BTRC: variants seen among roughly 807,000 people sequenced by gnomAD.
BTRC encodes the protein beta-transducin repeat containing E3 ubiquitin protein ligase.
BTRC carries 42 observed loss-of-function variants against 85.5 expected under a neutral mutation model. The observed-to-expected ratio is 0.49, with a 90% CI of 0.38 to 0.64. The LOEUF (loss-of-function observed/expected upper bound fraction) is 0.64. Among genes scored for constraint, BTRC ranks in the 30% least tolerant of loss-of-function variants. BTRC has a pLI of 0.00. For missense variants in BTRC, 594 were observed against 743.5 expected (o/e 0.80, Z 2.34); for synonymous variants, 255 against 263.3 (o/e 0.97, Z 0.30).
At chr10:101,429,011 A>G (rs189253988) in intron 1 of BTRC, among the ~76,000 whole-genome samples, 3 of 152,262 alleles carry the variant, frequency 2.0e-5, no homozygotes, top group East Asian at 3.9e-4. Flanking sequence ...AGTGAATACC[A>G]TATTTTGTTT....
At chr10:101,474,839 CTTTT>C (rs1945634606) in intron 3 of BTRC, among the ~76,000 whole-genome samples, 1 of 152,142 alleles carries the variant, frequency 6.6e-6, no homozygotes, top group Non-Finnish European at 1.5e-5. Flanking sequence ...CATTTTCCGT[CTTTT>C]TTAAGTCGAT....
intron 4 of BTRC, among the ~76,000 whole-genome samples, chr10:101,509,409 T>G (rs1388786990): frequency 7.0e-6 from 1 of 143,554 alleles, no homozygotes; most frequent in South Asian, 2.3e-4. Context: ...CGCCCGCCAC[T>G]ACGCCCGGCT....
At chr10:101,436,328 G>C (rs1386346598) in intron 2 of BTRC, among the ~76,000 whole-genome samples, 1 of 152,106 alleles carries the variant, frequency 6.6e-6, no homozygotes, top group African/African-American at 2.4e-5. Context: ...AAAGAGAAGA[G>C]AAATGAAATT....
At chr10:101,396,164 TA>T (rs1368177090) in intron 1 of BTRC, among the ~76,000 whole-genome samples, 1 of 151,334 alleles carries the variant, frequency 6.6e-6, no homozygotes, top group African/African-American at 2.4e-5. Context: ...TAGAGTTCTT[TA>T]AAAAAACACA....
At chr10:101,491,329 A>G (rs948536591) in intron 4 of BTRC, among the ~76,000 whole-genome samples, 2 of 152,226 alleles carry the variant, frequency 1.3e-5, no homozygotes, top group African/African-American at 4.8e-5. Flanking sequence ...TAGTGTAAGC[A>G]TGCACTGGCA....
At chr10:101,355,091 AGG>A (rs1941996050) in intron 1 of BTRC, among the ~76,000 whole-genome samples, 1 of 152,212 alleles carries the variant, frequency 6.6e-6, no homozygotes, top group African/African-American at 2.4e-5. Flanking sequence ...AGTATCTAAT[AGG>A]GTAAGCAAAA....
intron 4 of BTRC, among the ~76,000 whole-genome samples, chr10:101,482,313 G>A (rs2134233409): frequency 6.6e-6 from 1 of 151,582 alleles, no homozygotes; most frequent in South Asian, 2.1e-4. Context: ...GAGCCACTGT[G>A]CCTGGCCAAG....
chr10:101,463,618 G>T (rs1480075711), intron 3 of BTRC, among the ~76,000 whole-genome samples: 1 of 152,148 alleles, frequency 6.6e-6, no homozygotes, highest in Non-Finnish European at 1.5e-5. Flanking sequence ...TGAACATGAT[G>T]CTTATTTGAT....
chr10:101,426,199 T>G (rs1029180569), intron 1 of BTRC, among the ~76,000 whole-genome samples: 5 of 152,232 alleles, frequency 3.3e-5, no homozygotes, highest in African/African-American at 1.2e-4. Context: ...CTCCATTTAT[T>G]TTGTAATAAT....
intron 1 of BTRC, among the ~76,000 whole-genome samples, chr10:101,372,905 T>C (rs189866947): frequency 6.6e-6 from 1 of 152,198 alleles, no homozygotes; most frequent in East Asian, 1.9e-4. Flanking sequence ...AAAACATACT[T>C]TTATGATTTT....
intron 1 of BTRC, among the ~76,000 whole-genome samples, chr10:101,363,480 A>G (rs1942273142): frequency 6.6e-6 from 1 of 151,840 alleles, no homozygotes; most frequent in Non-Finnish European, 1.5e-5. Context: ...TTTTTTTGAG[A>G]TGGAGTCTTA....
chr10:101,415,715 AT>A (rs1428452820), intron 1 of BTRC, among the ~76,000 whole-genome samples: 5 of 149,854 alleles, frequency 3.3e-5, no homozygotes, highest in Non-Finnish European at 7.4e-5. Context: ...CTAATTTTGT[AT>A]TTTTAGTAGA....
intron 1 of BTRC, among the ~76,000 whole-genome samples, chr10:101,412,179 G>A (rs1321572990): frequency 6.6e-6 from 1 of 152,200 alleles, no homozygotes; most frequent in African/African-American, 2.4e-5. Context: ...TAGTATTCAG[G>A]AACTGAGTCA....
intron 2 of BTRC, among the ~76,000 whole-genome samples, chr10:101,459,584 T>G (rs1022713566): frequency 6.6e-5 from 10 of 152,250 alleles, no homozygotes; most frequent in South Asian, 6.2e-4. Context: ...CCAATGTTTA[T>G]GGGTTTCCCC....
chr10:101,537,167 T>C (rs1031195564), intron 12 of BTRC, among the ~76,000 whole-genome samples: 1 of 152,220 alleles, frequency 6.6e-6, no homozygotes, highest in African/African-American at 2.4e-5. Context: ...TAATTTCTAG[T>C]GGTTATGGAA....
intron 1 of BTRC, among the ~76,000 whole-genome samples, chr10:101,407,855 T>C (rs1336628883): frequency 6.6e-6 from 1 of 151,796 alleles, no homozygotes; most frequent in African/African-American, 2.4e-5. Flanking sequence ...CCCAAGAAGC[T>C]GGGACTACAG....
chr10:101,479,937 A>G (rs1175066248), intron 4 of BTRC, among the ~76,000 whole-genome samples: 1 of 152,172 alleles, frequency 6.6e-6, no homozygotes, highest in African/African-American at 2.4e-5. Context: ...ATGTTTAGTC[A>G]TGTGTATGGG....
intron 1 of BTRC, among the ~76,000 whole-genome samples, chr10:101,427,421 A>G (rs946961058): frequency 6.7e-6 from 1 of 149,368 alleles, no homozygotes; most frequent in African/African-American, 2.5e-5. Flanking sequence ...CAGCCTGTGT[A>G]CAGCATTTCT....
chr10:101,465,693 C>T (rs757725330), intron 3 of BTRC, among the ~76,000 whole-genome samples: 1 of 152,064 alleles, frequency 6.6e-6, no homozygotes, highest in East Asian at 1.9e-4. Flanking sequence ...TTCCAAAACC[C>T]GACAAAGATA....
Sources: allele counts gnomAD v4.1 joint callset (sites outside exome capture counted in the v4.1 genomes callset), GRCh38; gene constraint gnomAD v4.1.1; transcripts MANE v1.5; gene names NCBI Gene and HGNC (gene_info 2026-07-23, HGNC 2026-07-21).